CLASP1: variants seen among roughly 807,000 people sequenced by gnomAD.
CLASP1 encodes the protein cytoplasmic linker associated protein 1, also known as CLIP-associating protein 1.
A neutral mutation model predicts 192.3 loss-of-function variants in CLASP1; 38 were observed. The observed-to-expected ratio is 0.20, with a 90% CI of 0.15 to 0.26. CLASP1 has a LOEUF of 0.26. Among genes scored for constraint, CLASP1 ranks in the 10% least tolerant of loss-of-function variants. The pLI, the probability that CLASP1 is intolerant of heterozygous loss-of-function variation, is 1.00. For synonymous variants in CLASP1, 691 were observed against 712.8 expected (o/e 0.97, Z 0.49); for missense variants, 1,433 against 1,932.5 (o/e 0.74, Z 4.85).
exon 5 of CLASP1, chr2:121,527,811 G>C: frequency 6.2e-7 from 1 of 1,613,122 alleles, no homozygotes; most frequent in African/African-American, 1.3e-5. Flanking sequence ...ATTGAGTGTT[G>C]CTATAAGGCA....
intron 34 of CLASP1, among the ~76,000 whole-genome samples, chr2:121,370,808 C>T (rs2068509420): frequency 6.6e-6 from 1 of 152,204 alleles, no homozygotes; most frequent in African/African-American, 2.4e-5. Context: ...CTTCCCAGGC[C>T]TTGCCCTCTT....
chr2:121,424,822 T>TG (rs2080108379), intron 22 of CLASP1, among the ~76,000 whole-genome samples: 1 of 152,108 alleles, frequency 6.6e-6, no homozygotes, highest in African/African-American at 2.4e-5. Context: ...AAAAGGAAAA[T>TG]GAAAAGCAAC....
chr2:121,582,346 GGAGA>G (rs752511689), intron 2 of CLASP1, among the ~76,000 whole-genome samples: 5 of 143,842 alleles, frequency 3.5e-5, no homozygotes, highest in Non-Finnish European at 6.1e-5. Flanking sequence ...AGAAAGAGGA[GGAGA>G]GAGAGAGAGA....
intron 17 of CLASP1, among the ~76,000 whole-genome samples, 199 bp from the exon 18 acceptor site, chr2:121,448,524 C>G (rs986999477): frequency 6.6e-6 from 1 of 152,188 alleles, no homozygotes; most frequent in Non-Finnish European, 1.5e-5. Context: ...CTTTCAAATA[C>G]AGAGAGTGAA....
chr2:121,523,087 G>A (rs2094493896), intron 6 of CLASP1, among the ~76,000 whole-genome samples: 1 of 152,198 alleles, frequency 6.6e-6, no homozygotes, highest in South Asian at 2.1e-4. Context: ...GGAAACTGAG[G>A]CTCAAGATGC....
At chr2:121,617,071 C>A (rs1013314780) in intron 1 of CLASP1, among the ~76,000 whole-genome samples, 11 of 152,178 alleles carry the variant, frequency 7.2e-5, no homozygotes, top group African/African-American at 2.7e-4. Flanking sequence ...AAGGATGGGG[C>A]ACTGCACCTA....
chr2:121,586,902 T>C (rs2061774906), intron 2 of CLASP1, among the ~76,000 whole-genome samples: 1 of 152,208 alleles, frequency 6.6e-6, no homozygotes, highest in African/African-American at 2.4e-5. Flanking sequence ...AGTTGGCTGA[T>C]CCTGGCTAAA....
At chr2:121,516,308 T>G (rs879414971) in intron 6 of CLASP1, among the ~76,000 whole-genome samples, 1 of 152,164 alleles carries the variant, frequency 6.6e-6, no homozygotes, top group Non-Finnish European at 1.5e-5. Flanking sequence ...CATAAAGAGG[T>G]TGTGGTTTAA....
chr2:121,502,495 A>G (rs977448769), intron 8 of CLASP1, among the ~76,000 whole-genome samples: 1 of 152,226 alleles, frequency 6.6e-6, no homozygotes, highest in Non-Finnish European at 1.5e-5. Context: ...TGATACCCAC[A>G]GGGCAAATAC....
chr2:121,546,535 C>T (rs1430585130), intron 2 of CLASP1, among the ~76,000 whole-genome samples: 1 of 151,970 alleles, frequency 6.6e-6, no homozygotes, highest in Non-Finnish European at 1.5e-5. Context: ...GGAACCTCCC[C>T]CATTCAGGGA....
intron 24 of CLASP1, among the ~76,000 whole-genome samples, chr2:121,408,719 A>T (rs190105514): frequency 1.3e-5 from 2 of 152,328 alleles, no homozygotes; most frequent in Admixed American, 1.3e-4. Context: ...ATGTTGATAA[A>T]TCCATTCATG....
At chr2:121,548,254 C>T (rs2057670009) in intron 2 of CLASP1, among the ~76,000 whole-genome samples, 1 of 152,066 alleles carries the variant, frequency 6.6e-6, no homozygotes, top group Admixed American at 6.5e-5. Context: ...TAACACAATA[C>T]AAGAATTTCA....
intron 7 of CLASP1, among the ~76,000 whole-genome samples, chr2:121,505,983 C>T (rs557362543): frequency 1.3e-5 from 2 of 152,054 alleles, no homozygotes; most frequent in South Asian, 4.1e-4. Context: ...TAAACACATA[C>T]TTAAAAATCC....
intron 7 of CLASP1, chr2:121,503,858 T>G (rs2093845310): frequency 6.6e-6 from 1 of 152,190 alleles, no homozygotes; most frequent in African/African-American, 2.4e-5. Flanking sequence ...AGTCTAAATA[T>G]TCCATCCTAG....
intron 1 of CLASP1, among the ~76,000 whole-genome samples, chr2:121,631,521 C>T (rs915034908): frequency 5.9e-5 from 9 of 151,936 alleles, no homozygotes; most frequent in East Asian, 2.0e-4. Flanking sequence ...CTCTTGACCT[C>T]GTGATCTGCC....
intron 19 of CLASP1, chr2:121,444,859 T>C (rs942292410): frequency 8.6e-5 from 77 of 891,316 alleles, no homozygotes; most frequent in Admixed American, 1.8e-4. Context: ...TGAGGACAAG[T>C]GGGTACTGGG....
At chr2:121,442,971 T>A (rs1178861191) in intron 19 of CLASP1, among the ~76,000 whole-genome samples, 1 of 152,154 alleles carries the variant, frequency 6.6e-6, no homozygotes, top group East Asian at 1.9e-4. Context: ...AAAACCACTG[T>A]GGCTTTTCTA....
chr2:121,367,823 G>A (rs746947848), exon 35 of CLASP1: 6 of 1,613,178 alleles, frequency 3.7e-6, no homozygotes, highest in South Asian at 1.1e-5. Flanking sequence ...CGCCCCCATC[G>A]CGGGACACCT....
chr2:121,532,404 T>C (rs1043699466), intron 2 of CLASP1: 1 of 152,196 alleles, frequency 6.6e-6, no homozygotes, highest in African/African-American at 2.4e-5. Context: ...GAGGAGTAAC[T>C]ATCCTGCGGA....
Sources: allele counts gnomAD v4.1 joint callset (sites outside exome capture counted in the v4.1 genomes callset), GRCh38; gene constraint gnomAD v4.1.1; transcripts MANE v1.5; gene names NCBI Gene and HGNC (gene_info 2026-07-23, HGNC 2026-07-21).